The following RUFY4 variants were observed in gnomAD, a reference collection of about 807,000 sequenced individuals.
RUFY4 encodes RUN and FYVE domain containing 4.
A neutral mutation model predicts 69.0 loss-of-function variants in RUFY4; 73 were observed. That is an observed-to-expected ratio of 1.06 (90% CI 0.88 to 1.29). The LOEUF is 1.29. Among genes scored for constraint, RUFY4 ranks in the 50% most tolerant of loss-of-function variants. RUFY4 has a pLI of 0.00. For missense variants in RUFY4, 770 were observed against 705.6 expected, an observed-to-expected ratio of 1.09 and a Z score of -1.03; for synonymous variants, 287 against 271.8, an observed-to-expected ratio of 1.06 and a Z score of -0.55.
chr2:218,042,620 C>T (rs1294377169), intron 2 of RUFY4, among the ~76,000 whole-genome samples: 1 of 152,114 alleles, frequency 6.6e-6, no homozygotes, highest in Non-Finnish European at 1.5e-5. Context: ...GTTGGGTGTT[C>T]TGGTAAACTC....
At chr2:218,049,644 T>C (rs1377611639) in intron 2 of RUFY4, among the ~76,000 whole-genome samples, 3 of 152,030 alleles carry the variant, frequency 2.0e-5, no homozygotes, top group Non-Finnish European at 4.4e-5. Context: ...GTAGCTGGGA[T>C]TACAGGCATG....
chr2:218,083,210 C>A (rs1170556778), exon 9 of RUFY4: 1 of 1,612,446 alleles, frequency 6.2e-7, no homozygotes, highest in African/African-American at 1.3e-5. Context: ...TGGAGGGCAG[C>A]GGGACTTGGT....
At chr2:218,042,765 CA>C (rs973210132) in intron 2 of RUFY4, among the ~76,000 whole-genome samples, 2 of 151,590 alleles carry the variant, frequency 1.3e-5, no homozygotes, top group Non-Finnish European at 2.9e-5. Context: ...TTAGTGAAAC[CA>C]GGAAAAATCA....
At chr2:218,072,561 T>C in intron 3 of RUFY4, 62 bp downstream of exon 5, 2 of 1,522,920 alleles carry the variant, frequency 1.3e-6, no homozygotes, top group Non-Finnish European at 1.8e-6. Context: ...CCTCCTCCTT[T>C]TCCCCCACCC....
At chr2:218,084,252 A>G (rs1231076507) in intron 9 of RUFY4, among the ~76,000 whole-genome samples, 3 of 150,662 alleles carry the variant, frequency 2.0e-5, no homozygotes, top group African/African-American at 4.9e-5. Flanking sequence ...TTTTTTTTTT[A>G]ACGGAGTCTC....
At chr2:218,049,044 A>G (rs182634550) in intron 2 of RUFY4, among the ~76,000 whole-genome samples, 12 of 152,300 alleles carry the variant, frequency 7.9e-5, no homozygotes, top group African/African-American at 2.6e-4. Context: ...TTTGCCCTTG[A>G]TTACAAAGAA....
intron 7 of RUFY4, among the ~76,000 whole-genome samples, 158 bp downstream of exon 9, chr2:218,075,898 C>A (rs1689620234): frequency 6.6e-6 from 1 of 152,078 alleles, no homozygotes; most frequent in Non-Finnish European, 1.5e-5. Flanking sequence ...GAAAGCCATA[C>A]ATTCTTCAGG....
intron 2 of RUFY4, among the ~76,000 whole-genome samples, chr2:218,050,028 G>C (rs1688909969): frequency 6.6e-6 from 1 of 152,192 alleles, no homozygotes; most frequent in Admixed American, 6.5e-5. Flanking sequence ...CATGACTGGA[G>C]TGAGAACTTC....
At chr2:218,089,739 A>G (rs1178055320) in intron 10 of RUFY4, 4 of 704,328 alleles carry the variant, frequency 5.7e-6, no homozygotes, top group Non-Finnish European at 1.0e-5. Context: ...AGAAGCTGCC[A>G]TGTGGAGGTG....
At chr2:218,073,351 G>C (rs1185219402) in exon 5 of RUFY4, 1 of 1,590,684 alleles carries the variant, frequency 6.3e-7, no homozygotes, top group African/African-American at 1.3e-5. Context: ...ACCTCCAGCA[G>C]CCAGACCTGG....
Position 218,076,508 on chromosome 2 carries a change from C to T in RUFY4, c.1330C>T (p.Gln444Ter). 1.3e-6 allele frequency: 2 copies of T among 1,550,906 alleles called. No homozygotes were observed. Among genetic ancestry groups the T allele is most frequent in the Non-Finnish European group, 1.7e-6 (2 of 1,146,610 alleles). ...GCTGAGGGAGCAGGAGGGGGAGCTG[C>T]AGGCACTTCGGGAGCAGCTCAGCAG... Residue 444 changes from glutamine (Q) to a stop codon, truncating the protein, a stop_gained, in exon 8 of 11, where the codon CAG becomes TAG. Transcript: ENST00000344321. LOFTEE classifies it high-confidence loss of function.
At chr2:218,042,509 C>A (rs1688718085) in intron 2 of RUFY4, among the ~76,000 whole-genome samples, 1 of 152,118 alleles carries the variant, frequency 6.6e-6, no homozygotes, top group Admixed American at 6.5e-5. Context: ...GTTGAGATTT[C>A]TAGATTTGAG....
chr2:218,054,868 C>A (rs1689026065), intron 2 of RUFY4, among the ~76,000 whole-genome samples: 1 of 152,088 alleles, frequency 6.6e-6, no homozygotes, highest in South Asian at 2.1e-4. Flanking sequence ...CTACTTGATC[C>A]TTCTAAAATT....
intron 9 of RUFY4, 60 bp downstream of exon 11, chr2:218,083,316 C>A: frequency 6.6e-7 from 1 of 1,514,822 alleles, no homozygotes; most frequent in Non-Finnish European, 8.9e-7. Flanking sequence ...GGATGTGGAG[C>A]CCGGAGCGTG....
intron 9 of RUFY4, among the ~76,000 whole-genome samples, chr2:218,085,138 T>G (rs77248308): frequency 0.027 from 4,184 of 152,246 alleles, 202 homozygotes; most frequent in African/African-American, 0.094. Context: ...AGGGTTAGCA[T>G]TAGAACTCAG....
chr2:218,038,481 AT>A (rs1467671847), intron 2 of RUFY4, among the ~76,000 whole-genome samples: 1 of 152,204 alleles, frequency 6.6e-6, no homozygotes, highest in Admixed American at 6.5e-5. Flanking sequence ...TTACATATTC[AT>A]TTTAAATTAA....
At chr2:218,046,176 T>C (rs1466993612) in intron 2 of RUFY4, among the ~76,000 whole-genome samples, 1 of 152,064 alleles carries the variant, frequency 6.6e-6, no homozygotes, top group African/African-American at 2.4e-5. Context: ...TCATCTCAAG[T>C]ATTTGTCATT....
At chr2:218,046,975 G>T (rs1256035276) in intron 2 of RUFY4, among the ~76,000 whole-genome samples, 3 of 150,298 alleles carry the variant, frequency 2.0e-5, no homozygotes, top group African/African-American at 7.4e-5. Flanking sequence ...AGGTACACAG[G>T]TCACTGTGAA....
chr2:218,074,172 A>C (rs1291348719), intron 6 of RUFY4, among the ~76,000 whole-genome samples: 1 of 152,134 alleles, frequency 6.6e-6, no homozygotes. Context: ...GGGGCGGGCC[A>C]CTGAAAGCTT....
Sources: allele counts gnomAD v4.1 joint callset (sites outside exome capture counted in the v4.1 genomes callset), GRCh38; gene constraint gnomAD v4.1.1; transcripts MANE v1.5; gene names NCBI Gene and HGNC (gene_info 2026-07-23, HGNC 2026-07-21).